CLSTN2: variants seen among roughly 807,000 people sequenced by gnomAD.
CLSTN2 encodes calsyntenin 2.
Under a neutral mutation model 101.2 loss-of-function variants are expected in CLSTN2, and 48 were observed. That is an observed-to-expected ratio of 0.47 (90% CI 0.38 to 0.60). The LOEUF is 0.60. Among genes scored for constraint, CLSTN2 ranks in the 20% least tolerant of loss-of-function variants. The pLI, the probability that CLSTN2 is intolerant of heterozygous loss-of-function variation, is 0.00. For synonymous variants in CLSTN2, 481 were observed against 463.6 expected (o/e 1.04, Z -0.48); for missense variants, 1,160 against 1,238.2 (o/e 0.94, Z 0.95).
intron 8 of CLSTN2, among the ~76,000 whole-genome samples, chr3:140,514,311 T>C (rs1934874175): frequency 6.6e-6 from 1 of 152,142 alleles, no homozygotes; most frequent in South Asian, 2.1e-4. Flanking sequence ...GTGTCATTCT[T>C]ATGCCTTTGC....
intron 1 of CLSTN2, among the ~76,000 whole-genome samples, chr3:139,952,672 G>T (rs1401160978): frequency 6.6e-6 from 1 of 152,156 alleles, no homozygotes; most frequent in African/African-American, 2.4e-5. Context: ...CCTAGGGCAT[G>T]GTGTTCTTGC....
At chr3:140,403,865 C>A in intron 3 of CLSTN2, 41 bp downstream of exon 3, 1 of 1,486,086 alleles carries the variant, frequency 6.7e-7, no homozygotes, top group East Asian at 2.3e-5. Flanking sequence ...CCCTCCCTCC[C>A]GTGCCCACCC....
chr3:140,371,081 C>T (rs2107957421), intron 2 of CLSTN2, among the ~76,000 whole-genome samples: 1 of 152,308 alleles, frequency 6.6e-6, no homozygotes, highest in African/African-American at 2.4e-5. Flanking sequence ...ACACCTTCTG[C>T]AGAAATTTTC....
At chr3:140,014,623 C>T (rs1416907002) in intron 1 of CLSTN2, among the ~76,000 whole-genome samples, 1 of 152,054 alleles carries the variant, frequency 6.6e-6, no homozygotes, top group East Asian at 1.9e-4. Flanking sequence ...GAAGGAGAGT[C>T]CCACAAACAG....
intron 4 of CLSTN2, among the ~76,000 whole-genome samples, chr3:140,420,708 A>G (rs1027140088): frequency 6.6e-6 from 1 of 152,252 alleles, no homozygotes; most frequent in Admixed American, 6.5e-5. Context: ...ATGTTAAAAA[A>G]TATGTGTCAG....
chr3:140,512,275 T>G (rs564451651), intron 8 of CLSTN2, among the ~76,000 whole-genome samples: 1 of 152,322 alleles, frequency 6.6e-6, no homozygotes, highest in African/African-American at 2.4e-5. Context: ...GTTTTGAGTT[T>G]TATATTTAAG....
At chr3:139,956,669 T>C (rs1935406825) in intron 1 of CLSTN2, among the ~76,000 whole-genome samples, 1 of 152,222 alleles carries the variant, frequency 6.6e-6, no homozygotes, top group Admixed American at 6.5e-5. Context: ...TAAAGAATAT[T>C]GTCAATGGCT....
chr3:140,051,041 T>A (rs2007980685), intron 1 of CLSTN2, among the ~76,000 whole-genome samples: 1 of 152,138 alleles, frequency 6.6e-6, no homozygotes, highest in African/African-American at 2.4e-5. Flanking sequence ...GAACACAGCG[T>A]CTAACATTCC....
chr3:140,025,212 A>G (rs146133161), intron 1 of CLSTN2, among the ~76,000 whole-genome samples: 2 of 152,200 alleles, frequency 1.3e-5, no homozygotes, highest in Non-Finnish European at 2.9e-5. Flanking sequence ...TCTTGGATAC[A>G]TCAGAAATGT....
At chr3:140,215,595 T>C (rs1229353752) in intron 2 of CLSTN2, among the ~76,000 whole-genome samples, 1 of 152,186 alleles carries the variant, frequency 6.6e-6, no homozygotes, top group Admixed American at 6.5e-5. Flanking sequence ...TTTAAGAATT[T>C]AGCACAATGC....
intron 1 of CLSTN2, among the ~76,000 whole-genome samples, chr3:139,977,262 G>A (rs1935833247): frequency 6.6e-6 from 1 of 152,124 alleles, no homozygotes; most frequent in African/African-American, 2.4e-5. Context: ...CAGGCTGCAG[G>A]TTCGTACAGG....
At chr3:140,200,570 A>T (rs2010706083) in intron 2 of CLSTN2, among the ~76,000 whole-genome samples, 1 of 152,238 alleles carries the variant, frequency 6.6e-6, no homozygotes, top group Non-Finnish European at 1.5e-5. Flanking sequence ...ATGTGAAAGC[A>T]TCAGGAAGGG....
intron 1 of CLSTN2, among the ~76,000 whole-genome samples, chr3:140,076,102 C>T (rs986514810): frequency 3.3e-5 from 5 of 152,142 alleles, no homozygotes; most frequent in African/African-American, 9.7e-5. Context: ...AACCACCATC[C>T]GGCCTTCTGT....
chr3:140,269,091 C>A (rs2086719579), intron 2 of CLSTN2, among the ~76,000 whole-genome samples: 1 of 152,188 alleles, frequency 6.6e-6, no homozygotes. Context: ...CTTTTACCAT[C>A]AGCCACACCA....
chr3:139,992,667 A>T (rs1294960661), intron 1 of CLSTN2, among the ~76,000 whole-genome samples: 1 of 152,234 alleles, frequency 6.6e-6, no homozygotes, highest in African/African-American at 2.4e-5. Flanking sequence ...TACAAAGTGC[A>T]TCCTGGTTAC....
chr3:139,936,054 G>C (rs1216618536), intron 1 of CLSTN2, among the ~76,000 whole-genome samples: 1 of 152,202 alleles, frequency 6.6e-6, no homozygotes, highest in East Asian at 1.9e-4. Flanking sequence ...AGAAGCGCGG[G>C]ATGTGAGGCT....
At chr3:140,175,836 TG>T (rs2010314717) in intron 1 of CLSTN2, 114 bp from the exon 2 acceptor site, 2 of 1,012,672 alleles carry the variant, frequency 2.0e-6, no homozygotes, top group African/African-American at 1.6e-5. Flanking sequence ...ATGTCTCTCA[TG>T]GGATTGTTGG....
At chr3:139,992,292 G>A (rs967394681) in intron 1 of CLSTN2, among the ~76,000 whole-genome samples, 4 of 152,158 alleles carry the variant, frequency 2.6e-5, no homozygotes, top group African/African-American at 7.2e-5. Context: ...GACTCTTAGA[G>A]GGAGAAGAGT....
At chr3:140,100,170 C>T (rs2008941965) in intron 1 of CLSTN2, among the ~76,000 whole-genome samples, 1 of 148,648 alleles carries the variant, frequency 6.7e-6, no homozygotes, top group Non-Finnish European at 1.5e-5. Context: ...TTGAACCATG[C>T]AACTTTTGTA....
Sources: gnomAD v4.1 joint callset for allele counts (sites outside exome capture counted in the v4.1 genomes callset) on GRCh38, gnomAD v4.1.1 for gene constraint, MANE v1.5 for transcripts, NCBI Gene and HGNC (gene_info 2026-07-23, HGNC 2026-07-21) for gene names.